Variants in STAU2 observed in about 807,000 individuals in gnomAD.
The protein encoded by STAU2 is double-stranded RNA-binding protein Staufen homolog 2.
A neutral mutation model predicts 65.9 loss-of-function variants in STAU2; 20 were observed. That is an observed-to-expected ratio of 0.30 (90% CI 0.21 to 0.44). The LOEUF (loss-of-function observed/expected upper bound fraction) is 0.44, where lower values mean the gene tolerates loss of function less well. STAU2 is among the 20% of genes least tolerant of loss of function. The pLI is 1.00. For missense variants in STAU2, 558 were observed against 683.9 expected (o/e 0.82, Z 2.05); for synonymous variants, 232 against 233.9 (o/e 0.99, Z 0.07).
intron 13 of STAU2, among the ~76,000 whole-genome samples, chr8:73,465,805 T>C (rs1819624451): frequency 6.6e-6 from 1 of 152,206 alleles, no homozygotes; most frequent in Non-Finnish European, 1.5e-5. Context: ...ACCCCTGTCT[T>C]CATTTATTTA....
intron 13 of STAU2, among the ~76,000 whole-genome samples, chr8:73,531,883 T>C (rs1805845645): frequency 6.6e-6 from 1 of 152,132 alleles, no homozygotes; most frequent in African/African-American, 2.4e-5. Context: ...CAATACACAA[T>C]GTCATAGGAC....
chr8:73,554,955 C>T (rs1457920554), intron 12 of STAU2, among the ~76,000 whole-genome samples: 4 of 152,172 alleles, frequency 2.6e-5, no homozygotes, highest in East Asian at 1.9e-4. Context: ...TTCTATTGTT[C>T]GGTTACACAC....
In STAU2 at chr8:73,552,008, A is replaced by G; in HGVS notation, c.1530+4T>C. The G allele has an allele frequency of 1.3e-6, 2 of 1,537,558 alleles. No individual in the cohort carries two copies. The highest frequency in any genetic ancestry group is 1.7e-6 in the Non-Finnish European group (2 of 1,146,090). On this transcript the variant is annotated splice_donor_region_variant and intron_variant, in intron 13 of 14. Transcript: ENST00000524300. ...TGTTTTTTGTTTTTGCTTTTAATTC[A>G]TACCTGAAAGCCTTGAATCCTTGCT...
rs1233119452 is a variant in STAU2, at chr8:73,638,813, AC to A, written c.411-21363del. On this transcript the variant is annotated intron_variant, in intron 6 of 14. Transcript: ENST00000524300. The stretch of plus-strand genomic sequence containing the variant: ...TGCTAAAGATTAATATGAAATGATC[AC>A]ATGACCTGAGTCATATTCTTACTAG... Among the ~76,000 whole-genome samples the A allele has an allele frequency of 2.6e-5, 4 of 151,724 alleles. 1 individual carries two copies. Among genetic ancestry groups the A allele is most frequent in the Admixed American group, 1.3e-4 (2 of 15,254 alleles).
chr8:73,509,018 G>A (rs1354579362), intron 13 of STAU2, among the ~76,000 whole-genome samples: 11 of 152,070 alleles, frequency 7.2e-5, no homozygotes, highest in Non-Finnish European at 2.9e-5. Flanking sequence ...TAGATACTTC[G>A]AGTGAAATTG....
At chr8:73,689,480 C>A (rs945528448) in intron 4 of STAU2, among the ~76,000 whole-genome samples, 2 of 152,192 alleles carry the variant, frequency 1.3e-5, no homozygotes, top group African/African-American at 4.8e-5. Context: ...TCACCCCAAT[C>A]AACATCAGGT....
chr8:73,492,567 C>T lies in STAU2; in HGVS notation c.1530+59445G>A, dbSNP rs183239502. Reference sequence around the variant, plus strand: ...AATGCCAATGCCATCAACATACACACACACATATACACAAACCTCTTAGGA... The same window carrying T: ...AATGCCAATGCCATCAACATACACATACACATATACACAAACCTCTTAGGA... On this transcript the variant is annotated intron_variant, in intron 13 of 14. Coordinates refer to ENST00000524300, the MANE Select transcript of STAU2 (RefSeq NM_001164380.2). Among the ~76,000 whole-genome samples the T allele has an allele frequency of 6.3e-3, 960 of 151,994 alleles. 36 individuals carry two copies. Among genetic ancestry groups the T allele is most frequent in the Admixed American group, 0.056 (852 of 15,222 alleles).
At chr8:73,730,913 T>A (rs967235931) in intron 3 of STAU2, among the ~76,000 whole-genome samples, 7 of 152,184 alleles carry the variant, frequency 4.6e-5, no homozygotes, top group Non-Finnish European at 8.8e-5. Context: ...TTTGACTGAA[T>A]GACAAAAACT....
chr8:73,716,063 C>A (rs901601430), intron 3 of STAU2, among the ~76,000 whole-genome samples: 5 of 151,080 alleles, frequency 3.3e-5, no homozygotes, highest in Admixed American at 1.3e-4. Flanking sequence ...TACAGGCATG[C>A]GCCACCATGC....
intron 6 of STAU2, 33 bp from the exon 7 acceptor site, chr8:73,617,484 CT>C: frequency 6.3e-7 from 1 of 1,576,476 alleles, no homozygotes; most frequent in East Asian, 2.2e-5. Flanking sequence ...TTAAAGTTAG[CT>C]TAATAAAACC....
intron 1 of STAU2, among the ~76,000 whole-genome samples, chr8:73,746,238 G>A (rs1807266790): frequency 6.6e-6 from 1 of 151,500 alleles, no homozygotes; most frequent in Non-Finnish European, 1.5e-5. Flanking sequence ...CCTCCGGCGC[G>A]CCCCGGCCCC....
chr8:73,510,435 T>C (rs1178183659), intron 13 of STAU2, among the ~76,000 whole-genome samples: 1 of 152,228 alleles, frequency 6.6e-6, no homozygotes, highest in East Asian at 1.9e-4. Flanking sequence ...TTTGTACAAA[T>C]AGTACAATTC....
At chr8:73,745,467 C>A (rs1807205567) in intron 1 of STAU2, among the ~76,000 whole-genome samples, 1 of 152,200 alleles carries the variant, frequency 6.6e-6, no homozygotes. Flanking sequence ...GTTACTATCA[C>A]CCTGCCTGTC....
intron 13 of STAU2, among the ~76,000 whole-genome samples, chr8:73,428,906 G>C (rs1817042599): frequency 6.6e-6 from 1 of 152,160 alleles, no homozygotes; most frequent in Admixed American, 6.5e-5. Context: ...ATGCCAGGCA[G>C]GTCCCCCGTG....
intron 6 of STAU2, among the ~76,000 whole-genome samples, chr8:73,626,074 T>TACACAC (rs57076627): frequency 0.032 from 4,635 of 146,128 alleles, 146 homozygotes; most frequent in African/African-American, 0.09. Flanking sequence ...TAAGTACACA[T>TACACAC]ACACACACAC....
At chr8:73,617,651 A>G (rs888756540) in intron 6 of STAU2, among the ~76,000 whole-genome samples, 200 bp from the exon 7 acceptor site, 1 of 152,208 alleles carries the variant, frequency 6.6e-6, no homozygotes, top group Non-Finnish European at 1.5e-5. Context: ...CATGAAAAAC[A>G]TATATAGAAT....
At chr8:73,641,680 C>T (rs977353492) in intron 6 of STAU2, among the ~76,000 whole-genome samples, 6 of 152,048 alleles carry the variant, frequency 3.9e-5, no homozygotes, top group African/African-American at 1.4e-4. Context: ...TGAGAAGTTC[C>T]GCAGTAAAGA....
At chr8:73,598,320 C>T (rs753578642) in intron 10 of STAU2, among the ~76,000 whole-genome samples, 9 of 151,258 alleles carry the variant, frequency 6.0e-5, no homozygotes, top group Non-Finnish European at 1.3e-4. Flanking sequence ...CTCCACCTTC[C>T]GGGTTCACGC....
chr8:73,676,537 A>T (rs1818039576), intron 5 of STAU2, among the ~76,000 whole-genome samples: 1 of 152,218 alleles, frequency 6.6e-6, no homozygotes, highest in Non-Finnish European at 1.5e-5. Context: ...AAAAAGCGCT[A>T]ACTATAAAGG....
Sources: allele counts gnomAD v4.1 joint callset (sites outside exome capture counted in the v4.1 genomes callset), GRCh38; gene constraint gnomAD v4.1.1; transcripts MANE v1.5; gene names NCBI Gene and HGNC (gene_info 2026-07-23, HGNC 2026-07-21).